ARHGAP15: variants seen among roughly 807,000 people sequenced by gnomAD.
The protein encoded by ARHGAP15 is Rho GTPase activating protein 15.
A neutral mutation model predicts 63.7 loss-of-function variants in ARHGAP15; 51 were observed. That is an observed-to-expected ratio of 0.80 (90% CI 0.64 to 1.01). The LOEUF (loss-of-function observed/expected upper bound fraction) is 1.01. ARHGAP15 is among the 50% of genes least tolerant of loss of function. The pLI is 0.00. For synonymous variants in ARHGAP15, 191 were observed against 193.8 expected, an observed-to-expected ratio of 0.99 and a Z score of 0.12; for missense variants, 560 against 564.6, an observed-to-expected ratio of 0.99 and a Z score of 0.08.
At chr2:143,235,242 G>GTTTTTT (rs11447778) in intron 5 of ARHGAP15, among the ~76,000 whole-genome samples, 2 of 136,000 alleles carry the variant, frequency 1.5e-5, no homozygotes, top group Admixed American at 7.3e-5. Context: ...TAGTAGAGTT[G>GTTTTTT]TTTTTTTTTT....
Position 143,150,520 on chromosome 2 carries a change from G to A in ARHGAP15, c.-14-4957G>A, listed in dbSNP as rs544800138. On this transcript the variant is annotated intron_variant, in intron 1 of 13. Transcript: ENST00000295095. ...TTAAACAGGATTGAAAGGAGAACTA[G>A]TGCAATATCACAAGGTATTCTTGCT... Among the ~76,000 whole-genome samples the A allele has an allele frequency of 4.6e-5, 7 of 152,096 alleles. No individual in the cohort carries two copies. The South Asian group carries it at 1.4e-3, about 31-fold the overall frequency.
chr2:143,609,200 G>A (rs184693671), intron 11 of ARHGAP15, among the ~76,000 whole-genome samples: 5 of 152,222 alleles, frequency 3.3e-5, no homozygotes, highest in African/African-American at 1.2e-4. Flanking sequence ...GTTGTGCCTA[G>A]GCATTATGGA....
At chr2:143,283,632 T>G (rs930552712) in intron 6 of ARHGAP15, among the ~76,000 whole-genome samples, 11 of 152,160 alleles carry the variant, frequency 7.2e-5, no homozygotes, top group African/African-American at 2.7e-4. Context: ...GACATTTTAC[T>G]TCCACCTGTA....
intron 5 of ARHGAP15, among the ~76,000 whole-genome samples, chr2:143,246,524 A>T (rs748891268): frequency 6.6e-6 from 1 of 152,016 alleles, no homozygotes; most frequent in Non-Finnish European, 1.5e-5. Context: ...TATCTTAAGC[A>T]GAGTCAAAGG....
At chr2:143,194,847 G>C (rs1691827146) in intron 2 of ARHGAP15, among the ~76,000 whole-genome samples, 1 of 152,168 alleles carries the variant, frequency 6.6e-6, no homozygotes, top group African/African-American at 2.4e-5. Flanking sequence ...GACGCAGTTT[G>C]ATTTTCTTTG....
At chr2:143,629,192 A>G (rs1002972704) in intron 12 of ARHGAP15, among the ~76,000 whole-genome samples, 2 of 152,104 alleles carry the variant, frequency 1.3e-5, no homozygotes, top group African/African-American at 4.8e-5. Flanking sequence ...GGACCAAAAA[A>G]AAAAAAACCC....
rs10558886 is a variant in ARHGAP15 at position 143,635,194 on chromosome 2, C to CTTTTTT, written c.1138+10951_1138+10956dup. ...AACTTTCATATTAACCTCTCAGGAG[C>CTTTTTT]TTTTTTTTTTTTTTTTTTTTTTTTT... On this transcript the variant is annotated intron_variant, in intron 12 of 13. Transcript: ENST00000295095. Among the ~76,000 whole-genome samples, 24 of 26,858 alleles carry CTTTTTT rather than the reference C, an allele frequency of 8.9e-4. 3 individuals are homozygous for CTTTTTT. The highest frequency in any genetic ancestry group is 3.2e-3 in the African/African-American group (19 of 5,868). 17.6% of individuals were successfully genotyped at this position (26,858 alleles called of 152,430 possible). A position where few individuals can be genotyped will look rare whatever the true frequency, so the allele number is the denominator to read the frequency against.
At chr2:143,327,226 G>T (rs797000660) in intron 6 of ARHGAP15, among the ~76,000 whole-genome samples, 7 of 152,238 alleles carry the variant, frequency 4.6e-5, no homozygotes, top group African/African-American at 1.7e-4. Flanking sequence ...GCTCTTCAAG[G>T]AGAACTATAA....
intron 10 of ARHGAP15, among the ~76,000 whole-genome samples, chr2:143,542,059 C>G (rs982507721): frequency 6.6e-6 from 1 of 152,216 alleles, no homozygotes; most frequent in Non-Finnish European, 1.5e-5. Flanking sequence ...TGCTTACCTA[C>G]TCAAGCCTGA....
intron 1 of ARHGAP15, among the ~76,000 whole-genome samples, chr2:143,153,888 C>CTCCTCT (rs1689973650): frequency 3.2e-5 from 3 of 92,440 alleles, no homozygotes; most frequent in Admixed American, 1.5e-4. Flanking sequence ...CCTCCTCCTC[C>CTCCTCT]TCCTCCTCCT....
intron 2 of ARHGAP15, among the ~76,000 whole-genome samples, chr2:143,164,171 T>C (rs1448151997): frequency 6.6e-6 from 1 of 152,060 alleles, no homozygotes; most frequent in Non-Finnish European, 1.5e-5. Flanking sequence ...ATCTGTTTAA[T>C]TATCCTCTCA....
intron 6 of ARHGAP15, among the ~76,000 whole-genome samples, chr2:143,271,743 T>C (rs974976987): frequency 3.3e-5 from 5 of 152,242 alleles, no homozygotes; most frequent in African/African-American, 9.6e-5. Context: ...CCCAAAGCGC[T>C]GGGATTACAG....
chr2:143,700,044 A>G (rs1348876649), intron 12 of ARHGAP15, among the ~76,000 whole-genome samples: 1 of 152,048 alleles, frequency 6.6e-6, no homozygotes, highest in Non-Finnish European at 1.5e-5. Flanking sequence ...CATTTAACCC[A>G]CCACATGCTA....
Position 143,239,972 on chromosome 2 carries a change from T to C in ARHGAP15, c.385-10539T>C, listed in dbSNP as rs562663589. On this transcript the variant is annotated intron_variant, in intron 5 of 13. Coordinates refer to ENST00000295095, the MANE Select transcript of ARHGAP15 (RefSeq NM_018460.4). ...CATCACTGCCCTCCACCCTGGGTGA[T>C]AGAGTGAGACTCTGTCTCAAAAAAA... Among the ~76,000 whole-genome samples, 23 of 115,132 alleles carry C rather than the reference T, an allele frequency of 2.0e-4. No individual in the cohort carries two copies. The South Asian group carries it at 6.0e-3, about 30-fold the overall frequency. 75.5% of individuals were successfully genotyped at this position (115,132 alleles called of 152,430 possible). A position where few individuals can be genotyped will look rare whatever the true frequency, so the allele number is the denominator to read the frequency against.
At chr2:143,281,945 C>T (rs1681871803) in intron 6 of ARHGAP15, among the ~76,000 whole-genome samples, 1 of 152,000 alleles carries the variant, frequency 6.6e-6, no homozygotes, top group Non-Finnish European at 1.5e-5. Flanking sequence ...GTAACTCTTC[C>T]TTCACTCTCA....
At chr2:143,427,174 T>C (rs1288358817) in intron 6 of ARHGAP15, among the ~76,000 whole-genome samples, 1 of 152,172 alleles carries the variant, frequency 6.6e-6, no homozygotes, top group Non-Finnish European at 1.5e-5. Context: ...CCAAATATGT[T>C]ACAATAGCAT....
chr2:143,658,185 T>C (rs900055726), intron 12 of ARHGAP15, among the ~76,000 whole-genome samples: 1 of 152,230 alleles, frequency 6.6e-6, no homozygotes, highest in Non-Finnish European at 1.5e-5. Flanking sequence ...TTATTGAACA[T>C]CTACTTCATG....
intron 3 of ARHGAP15, among the ~76,000 whole-genome samples, chr2:143,207,320 C>G (rs1332678150): frequency 6.6e-6 from 1 of 152,022 alleles, no homozygotes; most frequent in Admixed American, 6.6e-5. Flanking sequence ...CTATTTTAGC[C>G]CCAATGACCT....
chr2:143,474,886 A>C (rs1366894632), intron 8 of ARHGAP15, among the ~76,000 whole-genome samples: 1 of 152,220 alleles, frequency 6.6e-6, no homozygotes, highest in African/African-American at 2.4e-5. Context: ...AAAGAAGTAA[A>C]ATATTTGGGA....
Sources: gnomAD v4.1 joint callset for allele counts (sites outside exome capture counted in the v4.1 genomes callset) on GRCh38, gnomAD v4.1.1 for gene constraint, MANE v1.5 for transcripts, NCBI Gene and HGNC (gene_info 2026-07-23, HGNC 2026-07-21) for gene names.